RNF130: variants seen among roughly 807,000 people sequenced by gnomAD.
RNF130 encodes ring finger protein 130, also known as E3 ubiquitin-protein ligase RNF130.
RNF130 carries 21 observed loss-of-function variants against 44.6 expected under a neutral mutation model. The ratio of observed to expected loss-of-function variants is 0.47; its 90% CI spans 0.33 to 0.68. The LOEUF (loss-of-function observed/expected upper bound fraction) is 0.68. RNF130 is among the 30% of genes least tolerant of loss of function. The pLI, the probability that RNF130 is intolerant of heterozygous loss-of-function variation, is 0.02. For missense variants in RNF130, 479 were observed against 560.6 expected, an observed-to-expected ratio of 0.85 and a Z score of 1.47; for synonymous variants, 214 against 210.4, an observed-to-expected ratio of 1.02 and a Z score of -0.15.
intron 3 of RNF130, among the ~76,000 whole-genome samples, chr5:179,998,888 T>TTATATATATATA (rs1763267762): frequency 9.1e-6 from 1 of 109,402 alleles, no homozygotes; most frequent in African/African-American, 3.2e-5. Flanking sequence ...TATATATGTT[T>TTATATATATATA]TATATATCTG....
intron 3 of RNF130, among the ~76,000 whole-genome samples, chr5:179,981,631 C>T (rs546595129): frequency 1.6e-4 from 25 of 152,314 alleles, no homozygotes; most frequent in Admixed American, 7.2e-4. Flanking sequence ...TTTCACTAAG[C>T]ACCTCTAATA....
At chr5:180,039,234 CTTCTT>C (rs989605636) in intron 2 of RNF130, among the ~76,000 whole-genome samples, 11 of 151,858 alleles carry the variant, frequency 7.2e-5, no homozygotes, top group African/African-American at 1.7e-4. Flanking sequence ...ATACACCTTA[CTTCTT>C]TTCTTTTCTT....
intron 2 of RNF130, among the ~76,000 whole-genome samples, chr5:180,032,133 T>C (rs1039534533): frequency 6.6e-6 from 1 of 152,204 alleles, no homozygotes; most frequent in East Asian, 1.9e-4. Flanking sequence ...GATTGAAAAA[T>C]ATTTTGTTTG....
At chr5:180,008,903 T>G (rs1284171033) in intron 3 of RNF130, among the ~76,000 whole-genome samples, 1 of 149,804 alleles carries the variant, frequency 6.7e-6, no homozygotes, top group South Asian at 2.1e-4. Flanking sequence ...AAAAAAAAAG[T>G]AAAATATCTA....
chr5:180,036,829 AC>A (rs1013017343), intron 2 of RNF130, among the ~76,000 whole-genome samples: 1 of 102,988 alleles, frequency 9.7e-6, no homozygotes, highest in African/African-American at 3.8e-5. Context: ...ATGTCTGTCT[AC>A]CCCCACACTC....
chr5:179,953,096 C>T (rs578224754), downstream of RNF130, among the ~76,000 whole-genome samples: 2 of 142,790 alleles, frequency 1.4e-5, no homozygotes, highest in Middle Eastern at 7.6e-3. Flanking sequence ...GACAGAAAAG[C>T]CCAAGGAATC....
At chr5:180,066,240 C>T (rs1765104787) in intron 1 of RNF130, among the ~76,000 whole-genome samples, 1 of 152,180 alleles carries the variant, frequency 6.6e-6, no homozygotes, top group African/African-American at 2.4e-5. Flanking sequence ...GAATAAGTCT[C>T]ACCAGATCTG....
chr5:180,057,006 C>T (rs943676525), intron 1 of RNF130, among the ~76,000 whole-genome samples: 9 of 152,200 alleles, frequency 5.9e-5, no homozygotes, highest in African/African-American at 1.2e-4. Context: ...ATTCCTAACA[C>T]GTTAGTAATT....
At chr5:180,067,441 A>G (rs1467597002) in intron 1 of RNF130, among the ~76,000 whole-genome samples, 1 of 152,236 alleles carries the variant, frequency 6.6e-6, no homozygotes, top group African/African-American at 2.4e-5. Context: ...AATCAGAGGC[A>G]GTAAATGTAG....
chr5:179,961,888 C>T (rs1183343088), intron 8 of RNF130, among the ~76,000 whole-genome samples: 1 of 152,202 alleles, frequency 6.6e-6, no homozygotes, highest in Non-Finnish European at 1.5e-5. Context: ...ACTGCAGTGG[C>T]ATTGGCTTGG....
intron 4 of RNF130, among the ~76,000 whole-genome samples, chr5:179,979,579 C>T (rs941339052): frequency 1.3e-5 from 2 of 152,116 alleles, no homozygotes; most frequent in Non-Finnish European, 2.9e-5. Flanking sequence ...CTGTGTCCTT[C>T]TAGCGGAGAA....
At position 179,978,468 on chromosome 5, in the gene RNF130, A is replaced by G. The variant is rs145288544; in HGVS notation, c.766-183T>C. Among the ~76,000 whole-genome samples, 357 of 152,346 alleles carry G rather than the reference A, an allele frequency of 2.3e-3. 1 individual carries two copies. The highest frequency in any genetic ancestry group is 8.2e-3 in the African/African-American group (343 of 41,590). The stretch of plus-strand genomic sequence containing the variant: ...ATTGGCCCAAATTATGTCTAAGTCA[A>G]TCTATTTTGTTTTAAAAATTATAAC... On this transcript the variant is annotated intron_variant, in intron 4 of 8. Coordinates refer to ENST00000521389, the MANE Select transcript of RNF130 (RefSeq NM_018434.6).
In RNF130 at chr5:180,069,444, C is replaced by T. The variant is rs1323389074; in HGVS notation, c.247+2012G>A. 2.0e-5 allele frequency among the ~76,000 whole-genome samples: 3 copies of T among 152,106 alleles called. No homozygotes were observed. The East Asian group carries it at 5.8e-4, about 29-fold the overall frequency. ...CCCCGAGAAAACCTGGAGCAAGCCC[C>T]TGTGGGACGGACACAGAATGACCCC... On this transcript the variant is annotated intron_variant, in intron 1 of 8. Coordinates refer to ENST00000521389, the MANE Select transcript of RNF130 (RefSeq NM_018434.6).
chr5:180,067,276 AT>A (rs922589431), intron 1 of RNF130, among the ~76,000 whole-genome samples: 1 of 151,946 alleles, frequency 6.6e-6, no homozygotes, highest in Non-Finnish European at 1.5e-5. Context: ...ATTCCTATTA[AT>A]TTTTTTAAAG....
At chr5:180,038,389 GGA>G (rs1491314635) in intron 2 of RNF130, among the ~76,000 whole-genome samples, 2 of 120,876 alleles carry the variant, frequency 1.7e-5, no homozygotes, top group Admixed American at 1.9e-4. Flanking sequence ...TCGGGGAGGG[GGA>G]AAAAAAAAAA....
Position 180,024,225 on chromosome 5 carries a change from C to G in RNF130, c.443-10914G>C, listed in dbSNP as rs1295002824. 2.6e-5 allele frequency among the ~76,000 whole-genome samples: 4 copies of G among 152,006 alleles called. No homozygotes were observed. In the East Asian group the frequency reaches 5.8e-4, roughly 22 times the overall value. On this transcript the variant is annotated intron_variant, in intron 2 of 8. Coordinates refer to ENST00000521389, the MANE Select transcript of RNF130 (RefSeq NM_018434.6). ...TGATGACTAAATGTAATGTGGTGTC[C>G]TGGGTGGGATCCTAGAACAGAAAAA...
At position 180,071,746 on chromosome 5, in the gene RNF130, G is replaced by A. The variant is rs1359804278; in HGVS notation, c.-44C>T. The A allele has an allele frequency of 4.4e-6, 5 of 1,145,060 alleles. No individual in the cohort carries two copies. The highest frequency in any genetic ancestry group is 4.3e-5 in the South Asian group (1 of 23,394). 70.9% of individuals were successfully genotyped at this position (1,145,060 alleles called of 1,614,324 possible). ...CGCTGCTCGCGGACCGGGCTCCGGG[G>A]CCGGCGCCTAGAGGCGGGGCGGGCG... is the stretch of plus-strand genomic sequence containing the variant. On this transcript the variant is annotated 5_prime_UTR_variant, in exon 1 of 9. Transcript: ENST00000521389.
chr5:179,968,329 C>T (rs548856697), intron 6 of RNF130, among the ~76,000 whole-genome samples: 12 of 146,666 alleles, frequency 8.2e-5, no homozygotes, highest in South Asian at 4.5e-4. Flanking sequence ...AAGAAGGCGG[C>T]GGCTAGCGGT....
exon 8 of RNF130, chr5:179,920,308 G>T: frequency 1.4e-6 from 1 of 695,772 alleles, no homozygotes; most frequent in South Asian, 1.5e-5. Flanking sequence ...GCCAGGCCAT[G>T]TTTAAAATTC....
Sources: allele counts gnomAD v4.1 joint callset (sites outside exome capture counted in the v4.1 genomes callset), GRCh38; gene constraint gnomAD v4.1.1; transcripts MANE v1.5; gene names NCBI Gene and HGNC (gene_info 2026-07-23, HGNC 2026-07-21).